Variants in FAM135B observed in about 807,000 individuals in gnomAD.
FAM135B encodes protein FAM135B.
In FAM135B, 43 loss-of-function variants were observed where a neutral mutation model predicts 127.7. The observed-to-expected ratio is 0.34, with a 90% CI of 0.26 to 0.43. FAM135B has a LOEUF of 0.43. Among genes scored for constraint, FAM135B ranks in the 20% least tolerant of loss-of-function variants. FAM135B has a pLI of 1.00. For missense variants in FAM135B, 1,558 were observed against 1,725.6 expected (o/e 0.90, Z 1.72); for synonymous variants, 670 against 665.1 (o/e 1.01, Z -0.11).
chr8:138,407,309 T>C (rs1333340168), intron 1 of FAM135B, among the ~76,000 whole-genome samples: 1 of 151,884 alleles, frequency 6.6e-6, no homozygotes, highest in Non-Finnish European at 1.5e-5. Flanking sequence ...GAAGAATCAA[T>C]ATCGTGAAAA....
intron 7 of FAM135B, among the ~76,000 whole-genome samples, chr8:138,209,406 G>C (rs1817963474): frequency 6.6e-6 from 1 of 152,116 alleles, no homozygotes; most frequent in Non-Finnish European, 1.5e-5. Flanking sequence ...GATACATAAG[G>C]AATAAGAGGA....
intron 9 of FAM135B, among the ~76,000 whole-genome samples, chr8:138,187,126 TC>T (rs945466223): frequency 5.3e-5 from 8 of 152,188 alleles, no homozygotes; most frequent in Non-Finnish European, 1.0e-4. Context: ...ACCTTAATCA[TC>T]AGTTCCTGCC....
Position 138,310,887 on chromosome 8 carries a change from A to C in FAM135B, c.111T>G (p.Ser37=), listed in dbSNP as rs1354534515. 1.2e-6 allele frequency: 2 copies of C among 1,613,856 alleles called. No homozygotes were observed. Among genetic ancestry groups the C allele is most frequent in the South Asian group, 2.2e-5 (2 of 90,928 alleles). ...YYQIRVTLKV[S]SRIPHRLSAS... is the part of the protein sequence containing the mutation. Reference sequence around the variant, plus strand: ...CACTCAGTCTGTGGGGGATCCTTGAAGACACCTTCAAGGTCACTCGGATCT... The same window carrying C: ...CACTCAGTCTGTGGGGGATCCTTGACGACACCTTCAAGGTCACTCGGATCT... The change falls in exon 3 of 20, where the codon TCT becomes TCG. Residue 37 remains serine (S), a synonymous_variant. Coordinates refer to ENST00000395297, the MANE Select transcript of FAM135B (RefSeq NM_015912.4).
chr8:138,401,041 C>G lies in FAM135B; in HGVS notation c.-19-33039G>C, dbSNP rs186141563. Among the ~76,000 whole-genome samples, 125 of 152,258 alleles carry G rather than the reference C, an allele frequency of 8.2e-4. 1 individual carries two copies. The highest frequency in any genetic ancestry group is 2.7e-3 in the African/African-American group (112 of 41,538). On this transcript the variant is annotated intron_variant, in intron 1 of 19. Coordinates refer to ENST00000395297, the MANE Select transcript of FAM135B (RefSeq NM_015912.4). Reference sequence around the variant, plus strand: ...TCAAAGGGAGAGGCTTAGCAATCCTCTAATTGGGCATTTATTTACAAAATT... The same window carrying G: ...TCAAAGGGAGAGGCTTAGCAATCCTGTAATTGGGCATTTATTTACAAAATT...
chr8:138,146,316 C>A (rs1817649520), intron 14 of FAM135B, among the ~76,000 whole-genome samples: 1 of 152,200 alleles, frequency 6.6e-6, no homozygotes, highest in African/African-American at 2.4e-5. Context: ...GGCTTGTGAA[C>A]ACTCTGCATA....
intron 1 of FAM135B, among the ~76,000 whole-genome samples, chr8:138,487,931 G>A (rs1292702058): frequency 1.3e-5 from 2 of 152,082 alleles, no homozygotes; most frequent in Non-Finnish European, 2.9e-5. Context: ...TTGAACCCGG[G>A]AGGCAGAGGT....
intron 7 of FAM135B, among the ~76,000 whole-genome samples, chr8:138,206,092 C>A (rs1029578228): frequency 7.0e-6 from 1 of 142,800 alleles, no homozygotes; most frequent in Non-Finnish European, 1.5e-5. Context: ...CTCCACATAC[C>A]CAGGGCTCCA....
chr8:138,234,265 T>C (rs1820109873), intron 7 of FAM135B, among the ~76,000 whole-genome samples: 2 of 152,220 alleles, frequency 1.3e-5, no homozygotes, highest in Non-Finnish European at 2.9e-5. Context: ...ACAACATTGA[T>C]AGAAATGTAG....
intron 3 of FAM135B, among the ~76,000 whole-genome samples, chr8:138,291,239 G>T (rs1036281046): frequency 6.6e-6 from 1 of 152,110 alleles, no homozygotes; most frequent in African/African-American, 2.4e-5. Context: ...GTGAAAGATT[G>T]GAACCTCAAA....
chr8:138,197,097 GTGTGTGTGTGTGTGTGTGTGTA>G (rs778680743), intron 8 of FAM135B, among the ~76,000 whole-genome samples: 7 of 103,658 alleles, frequency 6.8e-5, no homozygotes, highest in East Asian at 4.7e-4. Context: ...GTGTGTGTGT[GTGTGTGTGTGTGTGTGTGTGTA>G]TATATATAGT....
chr8:138,423,474 T>C (rs1296439982), intron 1 of FAM135B, among the ~76,000 whole-genome samples: 1 of 152,084 alleles, frequency 6.6e-6, no homozygotes, highest in Non-Finnish European at 1.5e-5. Context: ...ACATCACATG[T>C]CGGTAGGTTC....
At chr8:138,446,551 G>T (rs1336909218) in intron 1 of FAM135B, among the ~76,000 whole-genome samples, 2 of 152,118 alleles carry the variant, frequency 1.3e-5, no homozygotes, top group South Asian at 2.1e-4. Flanking sequence ...ACAAGCAATG[G>T]GGAAAGGATT....
chr8:138,153,666 C>T lies in FAM135B; in HGVS notation c.1259-450G>A, dbSNP rs374536759. On this transcript the variant is annotated intron_variant, in intron 12 of 19. Coordinates refer to ENST00000395297, the MANE Select transcript of FAM135B (RefSeq NM_015912.4). ...CCCGCACCTGGCTTGGAGGGTCCTA[C>T]ACCCATGAAGCCTAGCTCACTGCTA... Among the ~76,000 whole-genome samples, 132 of 152,302 alleles carry T rather than the reference C, an allele frequency of 8.7e-4. No homozygotes were observed. The South Asian group carries it at 0.016, about 18-fold the overall frequency.
At chr8:138,386,551 A>G (rs17667347) in intron 1 of FAM135B, among the ~76,000 whole-genome samples, 31,979 of 152,164 alleles carry the variant, frequency 0.21, 3,656 homozygotes, top group Non-Finnish European at 0.26. Flanking sequence ...TAGGGATTCT[A>G]GGAGTTGCCT....
chr8:138,273,446 C>T (rs1208313938), intron 3 of FAM135B, among the ~76,000 whole-genome samples: 5 of 152,288 alleles, frequency 3.3e-5, no homozygotes, highest in East Asian at 1.9e-4. Flanking sequence ...CCTCGTGATC[C>T]GCCCACCTTG....
At chr8:138,490,468 G>T (rs1815152484) in intron 1 of FAM135B, among the ~76,000 whole-genome samples, 1 of 152,168 alleles carries the variant, frequency 6.6e-6, no homozygotes, top group African/African-American at 2.4e-5. Flanking sequence ...GCCTGGTTGG[G>T]AGAACAGAGT....
chr8:138,230,017 G>C (rs991123843), intron 7 of FAM135B, among the ~76,000 whole-genome samples: 1 of 152,136 alleles, frequency 6.6e-6, no homozygotes, highest in Non-Finnish European at 1.5e-5. Flanking sequence ...CCTTCCAAAG[G>C]CACCACAGAA....
intron 13 of FAM135B, among the ~76,000 whole-genome samples, chr8:138,149,647 CTCATCA>C (rs375306197): frequency 1.3e-5 from 2 of 151,634 alleles, no homozygotes; most frequent in Non-Finnish European, 2.9e-5. Flanking sequence ...TGTTATTAGC[CTCATCA>C]TCATCATCAT....
At chr8:138,216,988 C>T (rs1586799783) in intron 7 of FAM135B, among the ~76,000 whole-genome samples, 1 of 152,108 alleles carries the variant, frequency 6.6e-6, no homozygotes, top group African/African-American at 2.4e-5. Context: ...AAATAGAAAC[C>T]CTTGTTGCCT....
Sources: allele counts gnomAD v4.1 joint callset (sites outside exome capture counted in the v4.1 genomes callset), GRCh38; gene constraint gnomAD v4.1.1; transcripts MANE v1.5; gene names NCBI Gene and HGNC (gene_info 2026-07-23, HGNC 2026-07-21).